The following UPP2 variants were observed in gnomAD, a reference collection of about 807,000 sequenced individuals.
The protein encoded by UPP2 is uridine phosphorylase 2.
Under a neutral mutation model 26.7 loss-of-function variants are expected in UPP2, and 23 were observed. That is an observed-to-expected ratio of 0.86 (90% CI 0.62 to 1.22). The LOEUF is 1.22. Among genes scored for constraint, UPP2 ranks in the 50% most tolerant of loss-of-function variants. The probability of loss-of-function intolerance (pLI) is 0.00; values close to 1 mark genes in which losing one functional copy is unlikely to be tolerated. For missense variants in UPP2, 387 were observed against 396.7 expected (o/e 0.98, Z 0.21); for synonymous variants, 127 against 141.3 (o/e 0.90, Z 0.72).
chr2:158,079,352 A>G (rs1460217325), intron 3 of UPP2, among the ~76,000 whole-genome samples: 2 of 152,128 alleles, frequency 1.3e-5, no homozygotes, highest in Admixed American at 1.3e-4. Flanking sequence ...CCAAATTATA[A>G]GAATTTGGTC....
At chr2:157,998,109 C>T (rs778222410) in intron 2 of UPP2, among the ~76,000 whole-genome samples, 2 of 152,036 alleles carry the variant, frequency 1.3e-5, no homozygotes, top group Non-Finnish European at 2.9e-5. Flanking sequence ...TGTATTAGCT[C>T]ATGCAACTGG....
intron 3 of UPP2, among the ~76,000 whole-genome samples, chr2:158,070,314 C>T (rs377478766): frequency 6.6e-6 from 1 of 152,170 alleles, no homozygotes; most frequent in South Asian, 2.1e-4. Flanking sequence ...TCAGATAGGA[C>T]ATCTCTACCC....
At chr2:158,099,351 T>C (rs13418476), upstream of UPP2, among the ~76,000 whole-genome samples, 4,094 of 152,242 alleles carry the variant, frequency 0.027, 187 homozygotes, top group African/African-American at 0.09. Context: ...TGCTATGGGC[T>C]GAATGGAAGA....
intron 3 of UPP2, among the ~76,000 whole-genome samples, chr2:158,027,098 G>C (rs960693961): frequency 6.6e-6 from 1 of 151,988 alleles, no homozygotes; most frequent in Non-Finnish European, 1.5e-5. Context: ...TTCCACCCCG[G>C]CTCCTCCAAA....
intron 3 of UPP2, among the ~76,000 whole-genome samples, chr2:158,039,059 T>C (rs376358772): frequency 6.6e-6 from 1 of 152,174 alleles, no homozygotes; most frequent in Non-Finnish European, 1.5e-5. Flanking sequence ...ATCTTCATAA[T>C]TAATGGCAGG....
chr2:157,996,801 A>G (rs915871200), intron 2 of UPP2, among the ~76,000 whole-genome samples: 4 of 152,214 alleles, frequency 2.6e-5, no homozygotes, highest in Non-Finnish European at 5.9e-5. Context: ...AGTCTTTCTT[A>G]TAAAGAAATC....
At chr2:158,019,886 T>A (rs1366444937) in intron 3 of UPP2, among the ~76,000 whole-genome samples, 1 of 152,218 alleles carries the variant, frequency 6.6e-6, no homozygotes, top group Admixed American at 6.5e-5. Context: ...AATTTACACA[T>A]GGGTTAAAAT....
At chr2:158,076,319 C>T (rs867439240) in intron 3 of UPP2, among the ~76,000 whole-genome samples, 1 of 151,876 alleles carries the variant, frequency 6.6e-6, no homozygotes, top group African/African-American at 2.4e-5. Flanking sequence ...AAACTTATTC[C>T]ATGAGGCCAC....
chr2:158,104,981 A>AAGGGAAGGGAAGGGAAGG (rs1558932160), intron 1 of UPP2, among the ~76,000 whole-genome samples: 2 of 17,942 alleles, frequency 1.1e-4, no homozygotes, highest in African/African-American at 4.4e-4. Context: ...GGAAGGGAAG[A>AAGGGAAGGGAAGGGAAGG]GAAGGGAAGG....
rs1336174114 is a variant in UPP2 at position 158,102,205 on chromosome 2, G to A, written c.62+80G>A. 7 of 1,488,446 alleles carry A rather than the reference G, an allele frequency of 4.7e-6. No individual in the cohort carries two copies. In the African/African-American group the frequency reaches 8.6e-5, roughly 18 times the overall value. The allele number at this position is 1,488,446 out of a possible 1,614,324, so 92.2% of individuals were successfully genotyped here. A position where few individuals can be genotyped will look rare whatever the true frequency, so the allele number is the denominator to read the frequency against. On this transcript the variant is annotated intron_variant, in intron 1 of 6. Coordinates refer to ENST00000005756, the MANE Select transcript of UPP2 (RefSeq NM_173355.4). The stretch of plus-strand genomic sequence containing the variant: ...TTTGTATTAAATGATTAGATAATGG[G>A]CCTCTACAGTTAAGCAAATTTCTTA...
chr2:157,995,970 T>C (rs1208717327), intron 2 of UPP2, among the ~76,000 whole-genome samples: 1 of 152,192 alleles, frequency 6.6e-6, no homozygotes. Context: ...TTGATATATA[T>C]TGCTAAATTG....
intron 3 of UPP2, chr2:158,065,709 A>G: frequency 1.5e-6 from 1 of 650,410 alleles, no homozygotes; most frequent in Non-Finnish European, 2.9e-6. Context: ...AACTTATGAC[A>G]CTACTCTTCT....
intron 1 of UPP2, among the ~76,000 whole-genome samples, chr2:158,105,807 C>T (rs1264399344): frequency 6.6e-6 from 1 of 152,220 alleles, no homozygotes; most frequent in Non-Finnish European, 1.5e-5. Flanking sequence ...TTCTCAACTT[C>T]TGTAAGCCTT....
chr2:158,015,943 T>A, intron 3 of UPP2: 2 of 384,152 alleles, frequency 5.2e-6, no homozygotes, highest in Admixed American at 3.0e-5. Context: ...TAGTTCTTTA[T>A]AGTGGTATGA....
intron 3 of UPP2, among the ~76,000 whole-genome samples, chr2:158,033,516 C>T (rs1018288099): frequency 6.6e-6 from 1 of 152,226 alleles, no homozygotes; most frequent in African/African-American, 2.4e-5. Flanking sequence ...GGGAGCCAGC[C>T]AGCCAGCCAG....
intron 6 of UPP2, among the ~76,000 whole-genome samples, chr2:158,127,337 T>C (rs1206148002): frequency 1.3e-5 from 2 of 152,228 alleles, no homozygotes; most frequent in East Asian, 1.9e-4. Context: ...TAAAGGCATA[T>C]ATTGATTATT....
In UPP2 at chr2:158,084,962, G is replaced by T. The variant is rs375819941; in HGVS notation, c.148-17078G>T. 3.0e-4 allele frequency among the ~76,000 whole-genome samples: 46 copies of T among 152,206 alleles called. No homozygotes were observed. The South Asian group carries it at 8.7e-3, about 29-fold the overall frequency. On this transcript the variant is annotated intron_variant, in intron 3 of 9. Transcript: ENST00000605860. ...AGATTTGTTCTTTTTGCTTAGTCTT[G>T]CTTTGGCTATGCAGACTCTTTTTTT...
chr2:158,097,209 T>C (rs1276385258), upstream of UPP2, among the ~76,000 whole-genome samples: 1 of 152,172 alleles, frequency 6.6e-6, no homozygotes, highest in Non-Finnish European at 1.5e-5. Flanking sequence ...ACTTCTTATG[T>C]GGCGTTTCCA....
intron 3 of UPP2, among the ~76,000 whole-genome samples, chr2:158,018,265 G>A (rs928257363): frequency 1.3e-5 from 2 of 152,068 alleles, no homozygotes; most frequent in Admixed American, 6.5e-5. Context: ...ATCTAGTAAG[G>A]GTGCACTTGT....
Sources: gnomAD v4.1 joint callset for allele counts (sites outside exome capture counted in the v4.1 genomes callset) on GRCh38, gnomAD v4.1.1 for gene constraint, MANE v1.5 for transcripts, NCBI Gene and HGNC (gene_info 2026-07-23, HGNC 2026-07-21) for gene names.